IL1RAPL2: variants seen among roughly 807,000 people sequenced by gnomAD.
IL1RAPL2 encodes the protein interleukin 1 receptor accessory protein like 2.
IL1RAPL2 carries 3 observed loss-of-function variants against 44.1 expected under a neutral mutation model. The ratio of observed to expected loss-of-function variants is 0.07; its 90% CI spans 0.03 to 0.18. The LOEUF is 0.18. IL1RAPL2 is among the 10% of genes least tolerant of loss of function. The pLI, the probability that IL1RAPL2 is intolerant of heterozygous loss-of-function variation, is 1.00. For synonymous variants in IL1RAPL2, 181 were observed against 178.8 expected, an observed-to-expected ratio of 1.01 and a Z score of -0.10; for missense variants, 391 against 496.4, an observed-to-expected ratio of 0.79 and a Z score of 2.02.
intron 4 of IL1RAPL2, among the ~76,000 whole-genome samples, chrX:105,250,477 G>A (rs757392416): frequency 9.0e-6 from 1 of 110,732 alleles, no homozygotes; most frequent in Non-Finnish European, 1.9e-5. Context: ...AAAACTTGAT[G>A]TGAGAGTTTG....
At chrX:105,313,753 A>C (rs1461497465) in intron 5 of IL1RAPL2, among the ~76,000 whole-genome samples, 2 of 111,853 alleles carry the variant, frequency 1.8e-5, no homozygotes. Flanking sequence ...GTGAATGTAG[A>C]TGATTTACTG....
At chrX:104,894,323 G>C (rs1487750469) in intron 2 of IL1RAPL2, among the ~76,000 whole-genome samples, 3 of 111,524 alleles carry the variant, frequency 2.7e-5, no homozygotes, top group Non-Finnish European at 5.6e-5. Context: ...GAATTTGAAT[G>C]TTGGCCTGCC....
intron 2 of IL1RAPL2, among the ~76,000 whole-genome samples, chrX:104,919,231 T>C (rs1203024497): frequency 1.8e-5 from 2 of 108,690 alleles, no homozygotes; most frequent in Non-Finnish European, 1.9e-5. Flanking sequence ...TTTCTTTTTT[T>C]TTTTTTTTTT....
intron 6 of IL1RAPL2, among the ~76,000 whole-genome samples, chrX:105,512,730 C>A (rs1312830606): frequency 1.8e-5 from 2 of 111,123 alleles, no homozygotes; most frequent in Admixed American, 9.6e-5. Context: ...TGCCAGATTT[C>A]TTTTTCTGTA....
chrX:105,175,413 T>A (rs1423963020), intron 2 of IL1RAPL2, among the ~76,000 whole-genome samples: 1 of 111,503 alleles, frequency 9.0e-6, no homozygotes, highest in African/African-American at 3.3e-5. Flanking sequence ...TACAGATGCA[T>A]GCCAAGATTA....
chrX:105,744,948 C>T (rs2038528517), intron 8 of IL1RAPL2, among the ~76,000 whole-genome samples: 1 of 111,649 alleles, frequency 9.0e-6, no homozygotes, highest in Non-Finnish European at 1.9e-5. Context: ...AGTGCTGCTG[C>T]TTCACTCTGT....
chrX:105,318,710 C>T (rs112877823), intron 5 of IL1RAPL2, among the ~76,000 whole-genome samples: 6,803 of 110,782 alleles, frequency 0.061, 504 homozygotes, highest in African/African-American at 0.21. Flanking sequence ...TGAATGCCAA[C>T]CACAGGGCTT....
At chrX:105,634,082 T>C (rs2147836318) in intron 6 of IL1RAPL2, among the ~76,000 whole-genome samples, 1 of 111,420 alleles carries the variant, frequency 9.0e-6, no homozygotes, top group African/African-American at 3.3e-5. Flanking sequence ...TGAGCTCATT[T>C]TAGGGTTGAG....
At chrX:105,139,620 TCTC>T (rs778602373) in intron 2 of IL1RAPL2, among the ~76,000 whole-genome samples, 55 of 111,699 alleles carry the variant, frequency 4.9e-4, no homozygotes, top group Non-Finnish European at 9.6e-4. Context: ...ATTGCTGGCT[TCTC>T]CTTGTGTCCT....
intron 5 of IL1RAPL2, among the ~76,000 whole-genome samples, chrX:105,358,097 A>G (rs2035217943): frequency 9.3e-6 from 1 of 107,654 alleles, no homozygotes; most frequent in Admixed American, 1.0e-4. Context: ...TAGGACCACA[A>G]TGGAGAATGG....
intron 5 of IL1RAPL2, among the ~76,000 whole-genome samples, chrX:105,369,707 G>T (rs767002150): frequency 9.0e-6 from 1 of 111,298 alleles, no homozygotes; most frequent in Non-Finnish European, 1.9e-5. Flanking sequence ...GGACTGCACA[G>T]ACCCAACAAC....
chrX:105,087,101 C>T (rs942041621), intron 2 of IL1RAPL2, among the ~76,000 whole-genome samples: 6 of 110,967 alleles, frequency 5.4e-5, no homozygotes, highest in African/African-American at 1.6e-4. Flanking sequence ...CCAGAAAGTA[C>T]CCCCCTGAGT....
chrX:105,139,579 G>A (rs2033107423), intron 2 of IL1RAPL2, among the ~76,000 whole-genome samples: 1 of 111,806 alleles, frequency 8.9e-6, no homozygotes. Flanking sequence ...ACATGGTAAG[G>A]TTCTGATGAG....
intron 5 of IL1RAPL2, among the ~76,000 whole-genome samples, chrX:105,454,312 G>C (rs951947167): frequency 9.0e-6 from 1 of 111,665 alleles, no homozygotes; most frequent in Admixed American, 9.5e-5. Flanking sequence ...GACATAACTT[G>C]CAACAATATG....
chrX:105,584,159 A>AT (rs1346700178), intron 6 of IL1RAPL2, among the ~76,000 whole-genome samples: 2 of 110,645 alleles, frequency 1.8e-5, no homozygotes, highest in African/African-American at 6.6e-5. Context: ...TTTTTTTCTG[A>AT]TTTTTTGTCT....
chrX:105,317,425 A>G (rs2034852168), intron 5 of IL1RAPL2, among the ~76,000 whole-genome samples: 1 of 112,002 alleles, frequency 8.9e-6, no homozygotes, highest in African/African-American at 3.2e-5. Flanking sequence ...TATTTCTTCA[A>G]CCTAAACCAC....
At chrX:104,654,186 C>A (rs1316287669) in intron 1 of IL1RAPL2, among the ~76,000 whole-genome samples, 1 of 110,855 alleles carries the variant, frequency 9.0e-6, no homozygotes, top group Non-Finnish European at 1.9e-5. Context: ...GAGTTTCATT[C>A]TAAGTGCTTG....
chrX:104,939,538 A>T (rs188252806), intron 2 of IL1RAPL2, among the ~76,000 whole-genome samples: 483 of 111,937 alleles, frequency 4.3e-3, no homozygotes, highest in African/African-American at 0.015. Flanking sequence ...GTGAAAAATA[A>T]TGCTTATAAT....
At chrX:104,840,982 G>T (rs981673506) in intron 2 of IL1RAPL2, among the ~76,000 whole-genome samples, 2 of 110,695 alleles carry the variant, frequency 1.8e-5, no homozygotes, top group Non-Finnish European at 3.8e-5. Context: ...GAGCCACCAC[G>T]CCCAGCCTAA....
Sources: allele counts gnomAD v4.1 joint callset (sites outside exome capture counted in the v4.1 genomes callset), GRCh38; gene constraint gnomAD v4.1.1; transcripts MANE v1.5; gene names NCBI Gene and HGNC (gene_info 2026-07-23, HGNC 2026-07-21).